The following RBBP8 variants were observed in gnomAD, a reference collection of about 807,000 sequenced individuals.
The protein encoded by RBBP8 is DNA endonuclease RBBP8.
Under a neutral mutation model 108.3 loss-of-function variants are expected in RBBP8, and 88 were observed. The ratio of observed to expected loss-of-function variants is 0.81; its 90% confidence interval spans 0.68 to 0.97. The LOEUF (loss-of-function observed/expected upper bound fraction) is 0.97, where lower values mean the gene tolerates loss of function less well. RBBP8 is among the 50% of genes least tolerant of loss of function. The pLI, the probability that RBBP8 is intolerant of heterozygous loss-of-function variation, is 0.00. For missense variants in RBBP8, 1,023 were observed against 1,049.0 expected (o/e 0.98, Z 0.34); for synonymous variants, 332 against 348.2 (o/e 0.95, Z 0.52).
chr18:22,989,278 T>C lies in RBBP8; in HGVS notation c.767T>C (p.Val256Ala). 1 of 1,611,368 alleles carries C rather than the reference T, an allele frequency of 6.2e-7. No individual in the cohort carries two copies. Among genetic ancestry groups the C allele is most frequent in the Non-Finnish European group, 8.5e-7 (1 of 1,177,772 alleles). Residue 256 changes from valine to alanine, a missense_variant, in exon 9 of 19, where the codon GTT (valine) becomes GCT (alanine). By Grantham distance (64) the Val-to-Ala change is moderately conservative. Coordinates refer to ENST00000327155, the MANE Select transcript of RBBP8 (RefSeq NM_002894.3). ...PDKSSFNLAT[V>A]VAETLGLGVQ... ...AAGTCATCTTTTAATTTAGCTACAG[T>C]TGTTGCTGAAACACTTGGACTTGGT... is the stretch of plus-strand genomic sequence containing the variant.
intron 3 of RBBP8, among the ~76,000 whole-genome samples, chr18:22,926,280 A>G (rs1909789098): frequency 6.6e-6 from 1 of 152,194 alleles, no homozygotes; most frequent in Non-Finnish European, 1.5e-5. Context: ...AAAATTAGCC[A>G]GGCGTGGTGC....
chr18:22,985,712 G>A (rs1010489964), intron 8 of RBBP8, among the ~76,000 whole-genome samples: 1 of 152,148 alleles, frequency 6.6e-6, no homozygotes, highest in African/African-American at 2.4e-5. Context: ...GTAATATTCT[G>A]TTTGAAATGC....
At chr18:22,924,214 T>C (rs1029855084) in intron 3 of RBBP8, among the ~76,000 whole-genome samples, 4 of 138,124 alleles carry the variant, frequency 2.9e-5, no homozygotes, top group Non-Finnish European at 4.6e-5. Flanking sequence ...CTGCAACCTC[T>C]GCCTCCCTGG....
At chr18:23,007,385 A>G (rs984440249) in intron 16 of RBBP8, among the ~76,000 whole-genome samples, 2 of 151,914 alleles carry the variant, frequency 1.3e-5, no homozygotes, top group Non-Finnish European at 2.9e-5. Flanking sequence ...GGCATTTATT[A>G]AATTGTATAA....
intron 4 of RBBP8, among the ~76,000 whole-genome samples, chr18:22,960,865 A>C (rs1913037944): frequency 6.6e-6 from 1 of 152,238 alleles, no homozygotes; most frequent in African/African-American, 2.4e-5. Flanking sequence ...GTAGTATATC[A>C]GAAAGTAAAT....
chr18:22,914,371 GT>G (rs1294853518), intron 1 of RBBP8: 1 of 152,040 alleles, frequency 6.6e-6, no homozygotes, highest in Admixed American at 6.6e-5. Context: ...AAGAAATGAT[GT>G]TTAAAAAGAT....
intron 4 of RBBP8, among the ~76,000 whole-genome samples, chr18:22,957,156 A>G (rs1413699714): frequency 6.6e-6 from 1 of 152,172 alleles, no homozygotes; most frequent in Non-Finnish European, 1.5e-5. Flanking sequence ...TTATTCATAG[A>G]TTTGAATTTA....
At chr18:22,944,284 T>G (rs1911359043) in intron 2 of RBBP8, among the ~76,000 whole-genome samples, 2 of 152,032 alleles carry the variant, frequency 1.3e-5, no homozygotes, top group Admixed American at 1.3e-4. Context: ...GATAAAAGAG[T>G]AGTTCTTCCC....
Position 22,935,909 on chromosome 18 carries a change from G to A in RBBP8, c.-98-845G>A, listed in dbSNP as rs147762616. On this transcript the variant is annotated intron_variant, in intron 1 of 18. Coordinates refer to ENST00000327155, the MANE Select transcript of RBBP8 (RefSeq NM_002894.3). ...GTTTCTGTATTCATAGATCTTTGCT[G>A]TGTTTAAATCTTACTGACTTCTCTT... 5.8e-4 allele frequency among the ~76,000 whole-genome samples: 89 copies of A among 152,208 alleles called. 1 individual carries two copies. Among genetic ancestry groups the A allele is most frequent in the Non-Finnish European group, 6.3e-4 (43 of 68,008 alleles).
intron 4 of RBBP8, 56 bp downstream of exon 4, chr18:22,949,769 A>C: frequency 7.8e-7 from 1 of 1,278,456 alleles, no homozygotes. Context: ...AATAAGAAGT[A>C]CATTGACTTT....
At chr18:22,933,287 T>C (rs893464362), upstream of RBBP8, 6 of 152,186 alleles carry the variant, frequency 3.9e-5, no homozygotes, top group African/African-American at 1.2e-4. Flanking sequence ...GCCGCCGCGA[T>C]GGGCAGCTGG....
intron 4 of RBBP8, among the ~76,000 whole-genome samples, chr18:22,967,259 G>C (rs1055258621): frequency 6.6e-6 from 1 of 151,596 alleles, no homozygotes; most frequent in African/African-American, 2.4e-5. Flanking sequence ...CCAGCTACTC[G>C]GGAGACTGAG....
intron 14 of RBBP8, among the ~76,000 whole-genome samples, chr18:23,000,212 A>G (rs1179995578): frequency 6.6e-6 from 1 of 152,212 alleles, no homozygotes; most frequent in Non-Finnish European, 1.5e-5. Context: ...GAGAGGTGGT[A>G]CTTATATAGA....
In RBBP8 at chr18:23,013,552, C is replaced by T. The variant is rs529809305; in HGVS notation, c.2358-3276C>T. ...GCAATTGAGGTTAGAAATCCCATGA[C>T]CTCTGTCTGCATGACTCCACTACTG... On this transcript the variant is annotated intron_variant, in intron 16 of 18. Coordinates refer to ENST00000327155, the MANE Select transcript of RBBP8 (RefSeq NM_002894.3). 4.6e-5 allele frequency among the ~76,000 whole-genome samples: 7 copies of T among 152,272 alleles called. No homozygotes were observed. In the South Asian group the frequency reaches 1.2e-3, roughly 27 times the overall value.
chr18:22,937,155 T>G, intron 2 of RBBP8, 195 bp downstream of exon 2: 1 of 1,173,074 alleles, frequency 8.5e-7, no homozygotes. Flanking sequence ...ACCCAGGTAG[T>G]GAGCATGGTA....
At chr18:22,978,218 G>A (rs1203598374) in intron 6 of RBBP8, among the ~76,000 whole-genome samples, 4 of 152,200 alleles carry the variant, frequency 2.6e-5, no homozygotes, top group Middle Eastern at 3.2e-3. Flanking sequence ...GGTCTTTAGG[G>A]AAGAAACCAA....
At chr18:22,986,000 C>A (rs1000010761) in intron 8 of RBBP8, among the ~76,000 whole-genome samples, 2 of 151,842 alleles carry the variant, frequency 1.3e-5, no homozygotes, top group Non-Finnish European at 2.9e-5. Flanking sequence ...CCCCTCCCCC[C>A]AGTCCCTTCC....
intron 17 of RBBP8, among the ~76,000 whole-genome samples, chr18:23,017,160 G>T (rs1374098715): frequency 6.6e-6 from 1 of 151,058 alleles, no homozygotes; most frequent in African/African-American, 2.4e-5. Flanking sequence ...ATCGAGACTG[G>T]CCTGGCCAAC....
At chr18:22,928,861 G>C (rs542772032), upstream of RBBP8, among the ~76,000 whole-genome samples, 10 of 152,050 alleles carry the variant, frequency 6.6e-5, no homozygotes. Flanking sequence ...GTAGAAACAG[G>C]GTTTCACCAT....
Sources: gnomAD v4.1 joint callset for allele counts (sites outside exome capture counted in the v4.1 genomes callset) on GRCh38, gnomAD v4.1.1 for gene constraint, MANE v1.5 for transcripts, NCBI Gene and HGNC (gene_info 2026-07-23, HGNC 2026-07-21) for gene names.